The following FAN1 variants were observed in gnomAD, a reference collection of about 807,000 sequenced individuals.
The protein encoded by FAN1 is fanconi-associated nuclease 1.
Under a neutral mutation model 104.9 loss-of-function variants are expected in FAN1, and 91 were observed. The ratio of observed to expected loss-of-function variants is 0.87; its 90% CI spans 0.73 to 1.03. The LOEUF is 1.03. Among genes scored for constraint, FAN1 ranks in the 50% least tolerant of loss-of-function variants. The pLI, the probability that FAN1 is intolerant of heterozygous loss-of-function variation, is 0.00. For missense variants in FAN1, 1,263 were observed against 1,239.9 expected (o/e 1.02, Z -0.28); for synonymous variants, 478 against 457.6 (o/e 1.04, Z -0.57).
In FAN1 at chr15:30,904,652, T is replaced by A; in HGVS notation, c.-12T>A. On this transcript the variant is annotated 5_prime_UTR_variant, in exon 2 of 15. Coordinates refer to ENST00000362065, the MANE Select transcript of FAN1 (RefSeq NM_014967.5). ...GTTTTATTGCTCAGAACATCCAGTT[T>A]TTCTAATACTCATGATGTCAGAAGG... 6.2e-7 allele frequency: 1 copy of A among 1,608,028 alleles called. No homozygotes were observed.
intron 5 of FAN1, 149 bp downstream of exon 5, chr15:30,914,240 C>T: frequency 1.6e-6 from 1 of 620,456 alleles, no homozygotes; most frequent in Non-Finnish European, 2.8e-6. Flanking sequence ...GTATACATTT[C>T]TATGACTATA....
At chr15:30,920,904 C>T (rs1181161321) in intron 7 of FAN1, among the ~76,000 whole-genome samples, 1 of 152,214 alleles carries the variant, frequency 6.6e-6, no homozygotes, top group Non-Finnish European at 1.5e-5. Flanking sequence ...TCACCTCAGC[C>T]TCCTGAGTAG....
At position 30,904,554 on chromosome 15, in the gene FAN1, A is replaced by C. The variant is rs2061926031; in HGVS notation, c.-110A>C. The C allele has an allele frequency of 2.9e-6, 3 of 1,037,244 alleles. No homozygotes were observed. Among genetic ancestry groups the C allele is most frequent in the African/African-American group, 1.6e-5 (1 of 63,844 alleles). The allele number at this position is 1,037,244 out of a possible 1,614,324, so 64.3% of individuals were successfully genotyped here. On this transcript the variant is annotated 5_prime_UTR_variant, in exon 2 of 15. Coordinates refer to ENST00000362065, the MANE Select transcript of FAN1 (RefSeq NM_014967.5). ...GACGAATAACATGAGGTCATATAGA[A>C]TCCCACTTTTGGTGATTTCAAGTCA...
At position 30,905,017 on chromosome 15, in the gene FAN1, A is replaced by G; in HGVS notation, c.354A>G (p.Lys118=). ...CCCCTGGCCAAAGTGATTCAGCAAA[A>G]AGGGAAGTAAAGCAGAAGATCAGTC... ...NLTPGQSDSA[K]REVKQKISPY... The change falls in exon 2 of 15, where the codon AAA becomes AAG. Residue 118 remains lysine (K), a synonymous_variant. Coordinates refer to ENST00000362065, the MANE Select transcript of FAN1 (RefSeq NM_014967.5). 1.2e-6 allele frequency: 2 copies of G among 1,614,096 alleles called. No individual in the cohort carries two copies. The highest frequency in any genetic ancestry group is 1.7e-6 in the Non-Finnish European group (2 of 1,180,032).
chr15:30,926,571 T>C, intron 10 of FAN1: 1 of 967,694 alleles, frequency 1.0e-6, no homozygotes, highest in Non-Finnish European at 1.2e-6. Flanking sequence ...CTGATGAGTG[T>C]TGAGATTCAT....
rs2061926135 is a variant in FAN1, at chr15:30,904,560, C to T, written c.-104C>T. ...TAACATGAGGTCATATAGAATCCCA[C>T]TTTTGGTGATTTCAAGTCAAGAAAG... On this transcript the variant is annotated 5_prime_UTR_variant, in exon 2 of 15. Transcript: ENST00000362065. The T allele has an allele frequency of 8.8e-7, 1 of 1,139,514 alleles. No individual in the cohort carries two copies. The highest frequency in any genetic ancestry group is 1.5e-5 in the African/African-American group (1 of 65,784). The allele number at this position is 1,139,514 out of a possible 1,614,324, so 70.6% of individuals were successfully genotyped here. A position where few individuals can be genotyped will look rare whatever the true frequency, so the allele number is the denominator to read the frequency against.
chr15:30,937,447 CTTTTT>C (rs11317050), intron 14 of FAN1, among the ~76,000 whole-genome samples, 188 bp downstream of exon 14: 4 of 78,978 alleles, frequency 5.1e-5, no homozygotes, highest in Non-Finnish European at 7.2e-5. Flanking sequence ...GGGTAATAAA[CTTTTT>C]TTTTTTTTTT....
At chr15:30,934,435 G>C (rs979629959) in intron 13 of FAN1, among the ~76,000 whole-genome samples, 1 of 152,086 alleles carries the variant, frequency 6.6e-6, no homozygotes, top group Non-Finnish European at 1.5e-5. Context: ...GATATCCTTA[G>C]CTTTAAATCC....
chr15:30,941,812 C>T lies in FAN1; in HGVS notation c.*250C>T. 2 of 1,614,044 alleles carry T rather than the reference C, an allele frequency of 1.2e-6. No homozygotes were observed. The highest frequency in any genetic ancestry group is 1.7e-6 in the Non-Finnish European group (2 of 1,179,908). ...CCAGGCTGATCTGGGCCTCGGGAAC[C>T]CAGCGGAAGTAGCACAGTTTCCACA... On this transcript the variant is annotated 3_prime_UTR_variant, in exon 15 of 15. Coordinates refer to ENST00000362065, the MANE Select transcript of FAN1 (RefSeq NM_014967.5).
intron 12 of FAN1, among the ~76,000 whole-genome samples, chr15:30,929,993 C>T (rs1310346953): frequency 1.6e-5 from 2 of 124,148 alleles, no homozygotes; most frequent in Non-Finnish European, 3.2e-5. Flanking sequence ...TATAAGATAT[C>T]ATATATAATA....
At chr15:30,907,003 C>T (rs531875475) in intron 2 of FAN1, among the ~76,000 whole-genome samples, 2 of 151,682 alleles carry the variant, frequency 1.3e-5, no homozygotes, top group African/African-American at 4.8e-5. Flanking sequence ...ATGTGTCTTG[C>T]ACTCCATGGA....
intron 4 of FAN1, chr15:30,911,383 A>G: frequency 4.1e-6 from 4 of 985,172 alleles, no homozygotes; most frequent in South Asian, 9.4e-5. Context: ...TGTGGAGTCG[A>G]GGATGAAATG....
rs2062338719 is a variant in FAN1 at position 30,921,847 on chromosome 15, T to C, written c.2053-388T>C. ...CTTTCCTGCCCACCCCAAATCCCTC[T>C]TGCAGTTGGTCCTGTGACCTGCTGT... On this transcript the variant is annotated intron_variant, in intron 7 of 14. Transcript: ENST00000362065. Among the ~76,000 whole-genome samples the C allele has an allele frequency of 2.0e-5, 3 of 152,342 alleles. No homozygotes were observed. In the South Asian group the frequency reaches 6.2e-4, roughly 32 times the overall value.
Position 30,905,073 on chromosome 15 carries a change from A to G in FAN1, c.410A>G (p.Lys137Arg), listed in dbSNP as rs899177524. The G allele has an allele frequency of 6.2e-7, 1 of 1,614,086 alleles. No homozygotes were observed. Among genetic ancestry groups the G allele is most frequent in the Non-Finnish European group, 8.5e-7 (1 of 1,180,016 alleles). ...PYFKSNDVVC[K>R]NQDELRNRSV... is the part of the protein sequence containing the mutation. ...TTTAAAAGTAATGATGTGGTGTGCA[A>G]AAATCAAGATGAGCTGAGAAATCGT... is the stretch of plus-strand genomic sequence containing the variant. Residue 137 changes from lysine to arginine, a missense_variant, in exon 2 of 15, where the codon AAA (lysine) becomes AGA (arginine). Transcript: ENST00000362065.
chr15:30,936,100 A>C (rs1236866037), intron 13 of FAN1, among the ~76,000 whole-genome samples: 1 of 143,690 alleles, frequency 7.0e-6, no homozygotes, highest in African/African-American at 2.5e-5. Flanking sequence ...ATTTTTTTCT[A>C]TATTTTACCT....
At chr15:30,929,845 A>ATATATCATATATAAAATATAT (rs1566930752) in intron 12 of FAN1, among the ~76,000 whole-genome samples, 1 of 61,148 alleles carries the variant, frequency 1.6e-5, no homozygotes, top group East Asian at 3.6e-4. Context: ...ATAATATATA[A>ATATATCATATATAAAATATAT]AATATATATC....
chr15:30,935,777 C>T (rs1314994772), intron 13 of FAN1, among the ~76,000 whole-genome samples: 2 of 152,132 alleles, frequency 1.3e-5, no homozygotes, highest in African/African-American at 4.8e-5. Flanking sequence ...AGTTATTTTT[C>T]AATACTTTAA....
chr15:30,913,907 G>T lies in FAN1; in HGVS notation c.1627G>T (p.Ala543Ser), dbSNP rs750373582. The T allele has an allele frequency of 1.9e-6, 3 of 1,614,042 alleles. No homozygotes were observed. Among genetic ancestry groups the T allele is most frequent in the Non-Finnish European group, 2.5e-6 (3 of 1,180,036 alleles). Residue 543 changes from alanine (A) to serine (S), a missense_variant, in exon 5 of 15, where the codon GCT becomes TCT. Coordinates refer to ENST00000362065, the MANE Select transcript of FAN1 (RefSeq NM_014967.5). ...QSVRICKGPR[A>S]VFSRILLLFS... The stretch of plus-strand genomic sequence containing the variant: ...AGTACGAATCTGTAAAGGCCCCAGG[G>T]CTGTGTTTTCCCGCATCTTGCTACT...
Position 30,925,888 on chromosome 15 carries a change from T to G in FAN1, c.2437T>G (p.Ser813Ala). ...CGCTGACCCCACCACGGTCCTGTGC[T>G]CTGTGGAGGAGCTGGCACTGGCCCA... ...EAADPTTVLC[S>A]VEELALAHYR... The change falls in exon 10 of 15, where the codon TCT becomes GCT. Residue 813 changes from serine (S) to alanine (A), a missense_variant. Physicochemically the swap from Ser to Ala is moderately conservative, Grantham distance 99. This residue lies in a region of FAN1 where 581 missense variants were observed against 668.8 expected (regional missense o/e 0.87). Coordinates refer to ENST00000362065, the MANE Select transcript of FAN1 (RefSeq NM_014967.5). 1.9e-6 allele frequency: 3 copies of G among 1,614,206 alleles called. No homozygotes were observed. Among genetic ancestry groups the G allele is most frequent in the Non-Finnish European group, 2.5e-6 (3 of 1,180,024 alleles).
Sources: allele counts gnomAD v4.1 joint callset (sites outside exome capture counted in the v4.1 genomes callset), GRCh38; gene constraint gnomAD v4.1.1; regional missense constraint gnomAD v4.1.1; transcripts MANE v1.5; gene names NCBI Gene and HGNC (gene_info 2026-07-23, HGNC 2026-07-21).